Variants in LARGE1 observed in about 807,000 individuals in gnomAD.
LARGE1 encodes xylosyl- and glucuronyltransferase LARGE1.
LARGE1 carries 43 observed loss-of-function variants against 87.6 expected under a neutral mutation model. That is an observed-to-expected ratio of 0.49 (90% CI 0.38 to 0.63). The LOEUF (loss-of-function observed/expected upper bound fraction) is 0.63, where lower values mean the gene tolerates loss of function less well. Ranked by LOEUF, LARGE1 falls within the 30% of genes least tolerant of loss-of-function variation. The pLI, the probability that LARGE1 is intolerant of heterozygous loss-of-function variation, is 0.00. For missense variants in LARGE1, 802 were observed against 1,000.2 expected, an observed-to-expected ratio of 0.80 and a Z score of 2.67; for synonymous variants, 434 against 394.6, an observed-to-expected ratio of 1.10 and a Z score of -1.18.
intron 3 of LARGE1, among the ~76,000 whole-genome samples, chr22:33,633,546 C>A (rs2080173835): frequency 1.3e-5 from 2 of 152,216 alleles, no homozygotes; most frequent in African/African-American, 4.8e-5. Context: ...GGATGCCAGG[C>A]AAGCTGTGGC....
intron 2 of LARGE1, among the ~76,000 whole-genome samples, chr22:33,749,089 T>C (rs951510625): frequency 6.6e-6 from 1 of 152,266 alleles, no homozygotes; most frequent in Non-Finnish European, 1.5e-5. Context: ...TTAGTCTTTA[T>C]AACAGCGGTG....
chr22:33,122,126 C>G, the LARGE1 span, among the ~76,000 whole-genome samples: 1 of 152,072 alleles, frequency 6.6e-6, no homozygotes, highest in Non-Finnish European at 1.5e-5. Context: ...TAATCTTTCC[C>G]CTGAGTTATT....
chr22:33,814,689 C>T (rs1011214540), intron 1 of LARGE1, among the ~76,000 whole-genome samples: 3 of 151,498 alleles, frequency 2.0e-5, no homozygotes, highest in Admixed American at 1.3e-4. Context: ...CTTAGCCCTA[C>T]GATCACATAA....
chr22:33,677,250 A>C (rs941142187), intron 2 of LARGE1, among the ~76,000 whole-genome samples: 3 of 151,274 alleles, frequency 2.0e-5, no homozygotes, highest in Non-Finnish European at 4.4e-5. Context: ...AAGATGTAAC[A>C]GCTCCTAGTG....
intron 1 of LARGE1, among the ~76,000 whole-genome samples, chr22:33,829,332 G>A (rs1478603665): frequency 1.3e-5 from 2 of 151,886 alleles, no homozygotes; most frequent in Non-Finnish European, 2.9e-5. Context: ...TTCTAAAACA[G>A]CATCATCCCA....
intron 7 of LARGE1, among the ~76,000 whole-genome samples, chr22:33,411,089 T>C (rs1280168036): frequency 6.6e-6 from 1 of 152,206 alleles, no homozygotes; most frequent in African/African-American, 2.4e-5. Context: ...TCTGGATGCT[T>C]GGGTCGTAAC....
intron 12 of LARGE1, among the ~76,000 whole-genome samples, chr22:33,290,666 C>A (rs1019212253): frequency 1.4e-4 from 21 of 152,094 alleles, no homozygotes; most frequent in Non-Finnish European, 1.5e-4. Context: ...ACATGGAGGT[C>A]GCTGGTGGCA....
chr22:33,541,058 G>T (rs1269023096), intron 6 of LARGE1, among the ~76,000 whole-genome samples: 1 of 97,168 alleles, frequency 1.0e-5, no homozygotes, highest in East Asian at 3.6e-4. Context: ...GGGTTGCGGG[G>T]GGGGGGGGGC....
chr22:33,528,965 G>A (rs1480594931), intron 6 of LARGE1, among the ~76,000 whole-genome samples: 1 of 152,166 alleles, frequency 6.6e-6, no homozygotes, highest in African/African-American at 2.4e-5. Flanking sequence ...GAACAAGCCT[G>A]AAAGACAGTT....
intron 6 of LARGE1, among the ~76,000 whole-genome samples, chr22:33,457,333 T>TTG (rs1489491035): frequency 7.1e-6 from 1 of 141,464 alleles, no homozygotes; most frequent in African/African-American, 2.7e-5. Context: ...TGTATTTTTA[T>TTG]TAGAGACGGG....
chr22:33,130,313 CAA>C, the LARGE1 span, among the ~76,000 whole-genome samples: 25 of 56,998 alleles, frequency 4.4e-4, no homozygotes, highest in South Asian at 1.4e-3. Context: ...GATTCCGTCT[CAA>C]AAAAAAAAAA....
intron 2 of LARGE1, among the ~76,000 whole-genome samples, chr22:33,709,791 A>T (rs1249514285): frequency 6.6e-6 from 1 of 151,728 alleles, no homozygotes; most frequent in Admixed American, 6.6e-5. Context: ...AAGCCCAGCT[A>T]ATTTTTATAT....
At chr22:33,442,890 T>C (rs533310474) in intron 6 of LARGE1, among the ~76,000 whole-genome samples, 2 of 152,078 alleles carry the variant, frequency 1.3e-5, no homozygotes, top group South Asian at 2.1e-4. Context: ...CCTCCCGGGT[T>C]CACGCCATTC....
intron 6 of LARGE1, among the ~76,000 whole-genome samples, chr22:33,532,799 T>C (rs1185271240): frequency 6.6e-6 from 1 of 152,212 alleles, no homozygotes; most frequent in East Asian, 1.9e-4. Flanking sequence ...AATGTGTTCA[T>C]TCCTTTGTGA....
chr22:33,551,851 G>A lies in LARGE1; in HGVS notation c.787+12997C>T, dbSNP rs149415070. 5.2e-3 allele frequency among the ~76,000 whole-genome samples: 797 copies of A among 152,008 alleles called. 5 individuals carry two copies. Among genetic ancestry groups the A allele is most frequent in the Admixed American group, 7.8e-3 (119 of 15,266 alleles). Reference sequence around the variant, plus strand: ...ACTAAAAATACAAAAAAATTTAGCCGGGCGTGATGATGGGCGCCTGTAGTC... The same window carrying A: ...ACTAAAAATACAAAAAAATTTAGCCAGGCGTGATGATGGGCGCCTGTAGTC... On this transcript the variant is annotated intron_variant, in intron 6 of 14. Coordinates refer to ENST00000397394, the MANE Select transcript of LARGE1 (RefSeq NM_133642.5).
At chr22:33,494,103 TG>T (rs1329843029) in intron 6 of LARGE1, among the ~76,000 whole-genome samples, 3 of 152,246 alleles carry the variant, frequency 2.0e-5, no homozygotes, top group Non-Finnish European at 4.4e-5. Flanking sequence ...ATGCCAAGTT[TG>T]AACACTAATT....
chr22:33,417,619 G>C (rs1348433167), intron 7 of LARGE1, among the ~76,000 whole-genome samples: 2 of 152,144 alleles, frequency 1.3e-5, no homozygotes, highest in East Asian at 3.9e-4. Flanking sequence ...GAGAAATCTT[G>C]GGGGCTCAGG....
At chr22:33,499,436 G>A (rs541356235) in intron 6 of LARGE1, among the ~76,000 whole-genome samples, 2 of 152,262 alleles carry the variant, frequency 1.3e-5, no homozygotes, top group East Asian at 1.9e-4. Context: ...GAGATGGCAC[G>A]ATCATGGTGC....
intron 2 of LARGE1, among the ~76,000 whole-genome samples, chr22:33,740,126 C>A (rs1569418733): frequency 6.6e-6 from 1 of 152,186 alleles, no homozygotes; most frequent in Non-Finnish European, 1.5e-5. Flanking sequence ...CCATCGCTTC[C>A]TGGAGAGCCC....
Sources: gnomAD v4.1 joint callset for allele counts (sites outside exome capture counted in the v4.1 genomes callset) on GRCh38, gnomAD v4.1.1 for gene constraint, MANE v1.5 for transcripts, NCBI Gene and HGNC (gene_info 2026-07-23, HGNC 2026-07-21) for gene names.